The following TMEM135 variants were observed in gnomAD, a reference collection of about 807,000 sequenced individuals.
TMEM135 encodes peroxisomal membrane protein 52.
In TMEM135, 30 loss-of-function variants were observed where a neutral mutation model predicts 60.3. That is an observed-to-expected ratio of 0.50 (90% CI 0.37 to 0.68). The LOEUF (loss-of-function observed/expected upper bound fraction) is 0.68, where lower values mean the gene tolerates loss of function less well. Among genes scored for constraint, TMEM135 ranks in the 30% least tolerant of loss-of-function variants. The probability of loss-of-function intolerance (pLI) is 0.00; values close to 1 mark genes in which losing one functional copy is unlikely to be tolerated. For missense variants in TMEM135, 468 were observed against 548.8 expected, an observed-to-expected ratio of 0.85 and a Z score of 1.47; for synonymous variants, 190 against 186.7, an observed-to-expected ratio of 1.02 and a Z score of -0.14.
chr11:87,125,332 A>G (rs951734654), intron 4 of TMEM135, among the ~76,000 whole-genome samples: 1 of 152,246 alleles, frequency 6.6e-6, no homozygotes, highest in African/African-American at 2.4e-5. Flanking sequence ...AGTGCTAGGT[A>G]GAAAATAAGC....
chr11:87,279,048 C>T (rs1005160059), intron 6 of TMEM135, among the ~76,000 whole-genome samples: 6 of 151,602 alleles, frequency 4.0e-5, no homozygotes, highest in African/African-American at 1.5e-4. Context: ...TTCTTTATAG[C>T]TGAGCAGTAT....
At chr11:87,130,674 T>C (rs1430401168) in intron 4 of TMEM135, among the ~76,000 whole-genome samples, 2 of 152,148 alleles carry the variant, frequency 1.3e-5, no homozygotes, top group African/African-American at 4.8e-5. Context: ...TCTAATTTTT[T>C]ATTTAATTGT....
chr11:87,054,438 AG>A (rs1344255883), intron 1 of TMEM135, among the ~76,000 whole-genome samples: 1 of 151,820 alleles, frequency 6.6e-6, no homozygotes, highest in African/African-American at 2.4e-5. Flanking sequence ...GTCTCAAAAA[AG>A]AAAAAAAGAA....
rs17821399 is a variant in TMEM135, at chr11:87,321,622, G to T, written c.*289G>T. 1 of 556,150 alleles carries T rather than the reference G, an allele frequency of 1.8e-6. No individual in the cohort carries two copies. The highest frequency in any genetic ancestry group is 1.5e-5 in the South Asian group (1 of 64,794). The allele number at this position is 556,150 out of a possible 1,614,324, so 34.5% of individuals were successfully genotyped here. ...CCACAAGCAATATTATATAATCTAC[G>T]TAGAAGTGTAATAACAAACAAGAGT... On this transcript the variant is annotated 3_prime_UTR_variant, in exon 15 of 15. Coordinates refer to ENST00000305494, the MANE Select transcript of TMEM135 (RefSeq NM_022918.4).
chr11:87,202,241 G>T (rs774253860), intron 5 of TMEM135, among the ~76,000 whole-genome samples: 1 of 152,148 alleles, frequency 6.6e-6, no homozygotes, highest in Non-Finnish European at 1.5e-5. Context: ...GGCCAGGCTG[G>T]TCTCAAACTC....
intron 6 of TMEM135, among the ~76,000 whole-genome samples, chr11:87,264,451 T>A (rs965968595): frequency 1.1e-4 from 17 of 151,902 alleles, no homozygotes; most frequent in African/African-American, 3.9e-4. Context: ...GTATTTTAGA[T>A]CCAAATTAAA....
chr11:87,242,999 G>A (rs1180665476), intron 6 of TMEM135, among the ~76,000 whole-genome samples: 2 of 137,516 alleles, frequency 1.5e-5, no homozygotes, highest in South Asian at 2.5e-4. Flanking sequence ...TAACGTTTAA[G>A]TCTTTAATCC....
At chr11:87,084,313 CTT>C (rs5793234) in intron 3 of TMEM135, among the ~76,000 whole-genome samples, 107 of 146,010 alleles carry the variant, frequency 7.3e-4, no homozygotes, top group Middle Eastern at 3.5e-3. Flanking sequence ...AGCAGTGGTT[CTT>C]TTTTTTTTTT....
chr11:87,313,566 A>T, intron 11 of TMEM135, 78 bp downstream of exon 11: 14 of 1,213,556 alleles, frequency 1.2e-5, no homozygotes, highest in Non-Finnish European at 9.7e-6. Flanking sequence ...CATCCAATTC[A>T]TCCAATTTCT....
intron 5 of TMEM135, among the ~76,000 whole-genome samples, chr11:87,195,392 T>C (rs1200139484): frequency 1.3e-5 from 1 of 77,144 alleles, no homozygotes; most frequent in Non-Finnish European, 2.9e-5. Context: ...CTTCCTTCCT[T>C]CTCTCTCTCT....
At chr11:87,091,436 T>G in intron 4 of TMEM135, 41 bp downstream of exon 4, 1 of 1,590,766 alleles carries the variant, frequency 6.3e-7, no homozygotes, top group South Asian at 1.1e-5. Context: ...TCCCATAAGC[T>G]ATATCTTTTT....
intron 5 of TMEM135, among the ~76,000 whole-genome samples, chr11:87,172,988 A>G (rs1395132591): frequency 2.6e-5 from 4 of 151,924 alleles, no homozygotes; most frequent in African/African-American, 4.8e-5. Context: ...CTTAATTTTA[A>G]TATTATATTT....
At chr11:87,172,276 C>CT (rs1939257858) in intron 5 of TMEM135, among the ~76,000 whole-genome samples, 1 of 152,072 alleles carries the variant, frequency 6.6e-6, no homozygotes. Flanking sequence ...ATTCTTTCTT[C>CT]TTTGAACTCA....
rs770526002 is a variant in TMEM135 at position 87,328,534 on chromosome 11, ACT to A, written c.*7204_*7205del. The A allele has an allele frequency of 2.0e-5, 9 of 453,724 alleles. No individual in the cohort carries two copies. The highest frequency in any genetic ancestry group is 1.1e-4 in the South Asian group (7 of 64,446). 28.1% of individuals were successfully genotyped at this position (453,724 alleles called of 1,614,324 possible). A position where few individuals can be genotyped will look rare whatever the true frequency, so the allele number is the denominator to read the frequency against. Reference sequence around the variant, plus strand: ...CTGAGTCTCCATAGTCCATTATATCACTCTGTATACCCTTGTGTATCCATAGC... The same window carrying A: ...CTGAGTCTCCATAGTCCATTATATCACTGTATACCCTTGTGTATCCATAGC... On this transcript the variant is annotated 3_prime_UTR_variant, in exon 15 of 15. Coordinates refer to ENST00000305494, the MANE Select transcript of TMEM135 (RefSeq NM_022918.4).
At chr11:87,134,094 C>G (rs1332733235) in intron 4 of TMEM135, among the ~76,000 whole-genome samples, 1 of 151,858 alleles carries the variant, frequency 6.6e-6, no homozygotes, top group Non-Finnish European at 1.5e-5. Flanking sequence ...GACTGTGTGG[C>G]TTAAACAGCA....
chr11:87,127,663 A>C (rs1937774458), intron 4 of TMEM135, among the ~76,000 whole-genome samples: 1 of 152,222 alleles, frequency 6.6e-6, no homozygotes, highest in African/African-American at 2.4e-5. Context: ...GGCCAGTTAA[A>C]GACAACAGCA....
chr11:87,195,655 C>CA (rs1444531823), intron 5 of TMEM135, among the ~76,000 whole-genome samples: 1 of 152,104 alleles, frequency 6.6e-6, no homozygotes, highest in Non-Finnish European at 1.5e-5. Flanking sequence ...GGCAATCTGC[C>CA]AGCCTCCGCC....
chr11:87,038,653 T>C (rs1044883551), intron 1 of TMEM135, among the ~76,000 whole-genome samples: 13 of 143,682 alleles, frequency 9.0e-5, no homozygotes, highest in African/African-American at 3.1e-4. Flanking sequence ...TATTTGGCCC[T>C]AAGTCCCTGT....
intron 6 of TMEM135, among the ~76,000 whole-genome samples, chr11:87,268,365 C>G (rs1941796070): frequency 6.6e-6 from 1 of 151,708 alleles, no homozygotes; most frequent in Non-Finnish European, 1.5e-5. Context: ...ATCCCCCCAC[C>G]TTGGCCTCCC....
Sources: gnomAD v4.1 joint callset for allele counts (sites outside exome capture counted in the v4.1 genomes callset) on GRCh38, gnomAD v4.1.1 for gene constraint, MANE v1.5 for transcripts, NCBI Gene and HGNC (gene_info 2026-07-23, HGNC 2026-07-21) for gene names.